Variants in WFDC13 observed in about 807,000 individuals in gnomAD.
The protein encoded by WFDC13 is WAP four-disulfide core domain protein 13.
WFDC13 carries 6 observed loss-of-function variants against 10.9 expected under a neutral mutation model. The observed-to-expected ratio is 0.55, with a 90% CI of 0.30 to 1.09. The LOEUF (loss-of-function observed/expected upper bound fraction) is 1.09. WFDC13 is among the 50% of genes least tolerant of loss of function. The pLI is 0.06. For missense variants in WFDC13, 104 were observed against 109.6 expected, an observed-to-expected ratio of 0.95 and a Z score of 0.23; for synonymous variants, 38 against 39.5, an observed-to-expected ratio of 0.96 and a Z score of 0.14.
chr20:45,703,991 C>T (rs1158637488), intron 1 of WFDC13, among the ~76,000 whole-genome samples: 4 of 152,170 alleles, frequency 2.6e-5, no homozygotes, highest in Admixed American at 2.6e-4. Context: ...ACTCATTCTT[C>T]CTGTACACAA....
At chr20:45,704,783 T>G in intron 2 of WFDC13, 189 bp downstream of exon 2, 1 of 1,286,454 alleles carries the variant, frequency 7.8e-7, no homozygotes. Context: ...AAAGCCCTCC[T>G]CCCCTCCCAA....
rs766061070 is a variant in WFDC13 at position 45,704,458 on chromosome 20, C to A, written c.103C>A (p.Pro35Thr). ...KQRVLKYILEPPPCISAPENC... is the reference protein window; with the variant it reads ...KQRVLKYILETPPCISAPENC... ...CTGTGTTCCAGAGTATATCTTGGAA[C>A]CTCCACCCTGCATATCAGCACCTGA... Residue 35 changes from proline (P) to threonine (T), a missense_variant, in exon 2 of 4, where the codon CCT becomes ACT. Coordinates refer to ENST00000305479, the MANE Select transcript of WFDC13 (RefSeq NM_172005.2). The A allele has an allele frequency of 5.0e-6, 8 of 1,613,568 alleles. No homozygotes were observed. In the South Asian group the frequency reaches 5.5e-5, roughly 11 times the overall value.
intron 3 of WFDC13, among the ~76,000 whole-genome samples, chr20:45,707,076 G>A (rs1040617062): frequency 9.9e-5 from 15 of 152,238 alleles, no homozygotes; most frequent in African/African-American, 2.7e-4. Flanking sequence ...CAGTTTAGAC[G>A]CATGAGCACT....
In WFDC13 at chr20:45,705,283, C is replaced by T. The variant is rs192692885; in HGVS notation, c.240-580C>T. Reference sequence around the variant, plus strand: ...AAGGCCCATATGAAATTTCAAAAGACTCACAGTGGAAGACTCAACCAATGA... The same window carrying T: ...AAGGCCCATATGAAATTTCAAAAGATTCACAGTGGAAGACTCAACCAATGA... On this transcript the variant is annotated intron_variant, in intron 2 of 3. Coordinates refer to ENST00000305479, the MANE Select transcript of WFDC13 (RefSeq NM_172005.2). 5.2e-3 allele frequency: 2,203 copies of T among 421,220 alleles called. 12 individuals are homozygous for T. The highest frequency in any genetic ancestry group is 7.5e-3 in the Non-Finnish European group (1,712 of 229,618). The allele number at this position is 421,220 out of a possible 1,614,324, so 26.1% of individuals were successfully genotyped here. A position where few individuals can be genotyped will look rare whatever the true frequency, so the allele number is the denominator to read the frequency against.
chr20:45,706,677 CAGG>C (rs1568677046), intron 3 of WFDC13, among the ~76,000 whole-genome samples: 1 of 151,338 alleles, frequency 6.6e-6, no homozygotes, highest in African/African-American at 2.4e-5. Context: ...GAGGCTGAAG[CAGG>C]AGAATTGCTT....
At chr20:45,705,083 C>A (rs6124728) in intron 2 of WFDC13, 2 of 1,268,362 alleles carry the variant, frequency 1.6e-6, no homozygotes, top group Admixed American at 1.7e-5. Context: ...CGCAAGCCTG[C>A]TAAATGGAGT....
intron 2 of WFDC13, 184 bp downstream of exon 2, chr20:45,704,778 C>T: frequency 1.6e-6 from 2 of 1,262,198 alleles, no homozygotes; most frequent in Non-Finnish European, 2.2e-6. Context: ...TTAGAAAAGC[C>T]CTCCTCCCCT....
chr20:45,702,328 A>G, intron 1 of WFDC13, 117 bp downstream of exon 1: 1 of 1,064,014 alleles, frequency 9.4e-7, no homozygotes, highest in South Asian at 1.5e-5. Flanking sequence ...CAAGGGCCCA[A>G]GCTTTATTGT....
chr20:45,704,713 A>G, intron 2 of WFDC13, 119 bp downstream of exon 2: 2 of 1,453,864 alleles, frequency 1.4e-6, no homozygotes, highest in South Asian at 1.4e-5. Context: ...CTTGGTGGCC[A>G]TGTTGCCAAC....
intron 1 of WFDC13, among the ~76,000 whole-genome samples, chr20:45,703,158 G>A (rs1384013786): frequency 1.3e-5 from 2 of 152,206 alleles, no homozygotes; most frequent in East Asian, 3.8e-4. Context: ...GAGGGGTCAA[G>A]ACTTGAAAAG....
At chr20:45,706,007 G>A (rs1984376484) in intron 3 of WFDC13, 80 bp downstream of exon 3, 1 of 1,225,230 alleles carries the variant, frequency 8.2e-7, no homozygotes, top group South Asian at 1.2e-5. Flanking sequence ...CCTCACCAGG[G>A]GCACTACATT....
At chr20:45,702,748 A>G (rs1308383205) in intron 1 of WFDC13, among the ~76,000 whole-genome samples, 2 of 152,212 alleles carry the variant, frequency 1.3e-5, no homozygotes, top group African/African-American at 4.8e-5. Flanking sequence ...ATTAGCATCA[A>G]TGGGACAGTG....
intron 1 of WFDC13, among the ~76,000 whole-genome samples, chr20:45,703,898 A>G (rs956950225): frequency 6.6e-6 from 1 of 152,136 alleles, no homozygotes. Context: ...CCCAGAACTT[A>G]CTTGTGAATT....
chr20:45,708,358 G>T lies in WFDC13; in HGVS notation c.*523G>T, dbSNP rs1984479122. 1 of 152,170 alleles carries T rather than the reference G, an allele frequency of 6.6e-6. No individual in the cohort carries two copies. The highest frequency in any genetic ancestry group is 1.5e-5 in the Non-Finnish European group (1 of 68,146). 9.4% of individuals were successfully genotyped at this position (152,170 alleles called of 1,614,324 possible). A position where few individuals can be genotyped will look rare whatever the true frequency, so the allele number is the denominator to read the frequency against. On this transcript the variant is annotated 3_prime_UTR_variant, in exon 4 of 4. Transcript: ENST00000305479. ...GGGTGGTGAGGACCTGATAGAGTTG[G>T]ATCAGTGACTAAGAGGCTGCAATAA...
At chr20:45,707,157 T>A (rs1984428241) in intron 3 of WFDC13, among the ~76,000 whole-genome samples, 1 of 152,234 alleles carries the variant, frequency 6.6e-6, no homozygotes, top group Non-Finnish European at 1.5e-5. Context: ...TCTATTAAAT[T>A]AAACACTCCA....
In WFDC13 at chr20:45,708,742, T is replaced by C. The variant is rs2145648495; in HGVS notation, c.*907T>C. Reference sequence around the variant, plus strand: ...CTGGGATTCATGATATTTGATATATTCGTAAGCTTTTGTTAAGTTTGTAAT... The same window carrying C: ...CTGGGATTCATGATATTTGATATATCCGTAAGCTTTTGTTAAGTTTGTAAT... On this transcript the variant is annotated 3_prime_UTR_variant, in exon 4 of 4. Transcript: ENST00000305479. 6.6e-6 allele frequency: 1 copy of C among 152,360 alleles called. No homozygotes were observed. The highest frequency in any genetic ancestry group is 2.1e-4 in the South Asian group (1 of 4,830). 9.4% of individuals were successfully genotyped at this position (152,360 alleles called of 1,614,324 possible).
At chr20:45,705,998 C>T in intron 3 of WFDC13, 71 bp downstream of exon 3, 1 of 1,330,246 alleles carries the variant, frequency 7.5e-7, no homozygotes, top group East Asian at 2.3e-5. Flanking sequence ...TTCCTGTAGC[C>T]TCACCAGGGG....
chr20:45,704,385 T>C, intron 1 of WFDC13, 59 bp from the exon 2 acceptor site: 6 of 1,561,880 alleles, frequency 3.8e-6, no homozygotes, highest in South Asian at 1.2e-5. Flanking sequence ...GCTTTCTGAG[T>C]TCTGAACATT....
chr20:45,705,967 T>C (rs929308939), intron 3 of WFDC13, 40 bp downstream of exon 3: 2 of 1,538,816 alleles, frequency 1.3e-6, no homozygotes, highest in Admixed American at 3.4e-5. Flanking sequence ...TCATGTGAGA[T>C]TCCCAGGGAT....
Sources: allele counts gnomAD v4.1 joint callset (sites outside exome capture counted in the v4.1 genomes callset), GRCh38; gene constraint gnomAD v4.1.1; transcripts MANE v1.5; gene names NCBI Gene and HGNC (gene_info 2026-07-23, HGNC 2026-07-21).